Variants in CTNND1 observed in about 807,000 individuals in gnomAD.
CTNND1 encodes the protein catenin delta-1.
A neutral mutation model predicts 112.1 loss-of-function variants in CTNND1; 16 were observed. The ratio of observed to expected loss-of-function variants is 0.14; its 90% CI spans 0.10 to 0.22. The LOEUF (loss-of-function observed/expected upper bound fraction) is 0.22. CTNND1 is among the 10% of genes least tolerant of loss of function. CTNND1 has a pLI of 1.00. For synonymous variants in CTNND1, 420 were observed against 446.5 expected, an observed-to-expected ratio of 0.94 and a Z score of 0.75; for missense variants, 1,008 against 1,257.0, an observed-to-expected ratio of 0.80 and a Z score of 3.00.
chr11:57,772,112 T>G (rs993555929), intron 1 of CTNND1, among the ~76,000 whole-genome samples: 2 of 150,650 alleles, frequency 1.3e-5, no homozygotes, highest in East Asian at 3.9e-4. Context: ...TTTTTTTTTT[T>G]GTAGAGACAG....
intron 9 of CTNND1, 58 bp downstream of exon 9, chr11:57,804,838 T>G: frequency 8.0e-7 from 1 of 1,249,782 alleles, no homozygotes; most frequent in Non-Finnish European, 1.2e-6. Flanking sequence ...AACTATGAAG[T>G]ATCTGTAGGT....
At chr11:57,785,643 G>A (rs1277542430) in intron 1 of CTNND1, among the ~76,000 whole-genome samples, 1 of 151,838 alleles carries the variant, frequency 6.6e-6, no homozygotes, top group Non-Finnish European at 1.5e-5. Flanking sequence ...TCCGCCTCCC[G>A]GGTTCAAGTG....
chr11:57,761,988 C>G lies in CTNND1; in HGVS notation c.-345C>G. 5.1e-6 allele frequency: 5 copies of G among 985,428 alleles called. No homozygotes were observed. The highest frequency in any genetic ancestry group is 6.0e-6 in the Non-Finnish European group (5 of 829,938). 61.0% of individuals were successfully genotyped at this position (985,428 alleles called of 1,614,324 possible). Reference sequence around the variant, plus strand: ...CTGCTGGATTTGTCTTTCTCAGCACCTTGGCGAAGCCTTGGGTTTCTTTCT... The same window carrying G: ...CTGCTGGATTTGTCTTTCTCAGCACGTTGGCGAAGCCTTGGGTTTCTTTCT... On this transcript the variant is annotated 5_prime_UTR_variant, in exon 1 of 21. Coordinates refer to ENST00000399050, the MANE Select transcript of CTNND1 (RefSeq NM_001085458.2).
At chr11:57,816,167 A>T (rs1208093397) in intron 20 of CTNND1, 130 bp from the exon 21 acceptor site, 1 of 1,260,760 alleles carries the variant, frequency 7.9e-7, no homozygotes, top group Non-Finnish European at 1.2e-6. Flanking sequence ...CGAGTCTGGG[A>T]CATGCAGCTG....
At chr11:57,782,403 G>T (rs2059672089) in intron 1 of CTNND1, among the ~76,000 whole-genome samples, 1 of 152,162 alleles carries the variant, frequency 6.6e-6, no homozygotes, top group East Asian at 1.9e-4. Flanking sequence ...ATTTAACAGT[G>T]TTTAATTGAA....
chr11:57,805,075 T>C (rs2062478704), intron 9 of CTNND1, among the ~76,000 whole-genome samples: 1 of 150,806 alleles, frequency 6.6e-6, no homozygotes, highest in African/African-American at 2.4e-5. Flanking sequence ...ATTTTTGTAT[T>C]TTTAGTAGAG....
chr11:57,814,773 C>G (rs753587713), intron 18 of CTNND1, among the ~76,000 whole-genome samples: 1 of 152,076 alleles, frequency 6.6e-6, no homozygotes, highest in Non-Finnish European at 1.5e-5. Flanking sequence ...ATGTCCTTCC[C>G]TTTTGTCTTT....
At chr11:57,768,584 G>A (rs1480804633) in intron 1 of CTNND1, among the ~76,000 whole-genome samples, 13 of 151,442 alleles carry the variant, frequency 8.6e-5, no homozygotes, top group Admixed American at 2.6e-4. Flanking sequence ...TAGTAGAGAC[G>A]GGGTTTCACT....
intron 1 of CTNND1, among the ~76,000 whole-genome samples, chr11:57,787,494 A>T (rs2060257379): frequency 6.6e-6 from 1 of 152,230 alleles, no homozygotes; most frequent in Non-Finnish European, 1.5e-5. Context: ...ACATTGTCTC[A>T]CCTAATCCTC....
intron 1 of CTNND1, chr11:57,764,123 A>C (rs1950504254): frequency 6.6e-6 from 1 of 152,156 alleles, no homozygotes; most frequent in Non-Finnish European, 1.5e-5. Context: ...GGGGTAAAAA[A>C]TGATGATAGG....
intron 1 of CTNND1, among the ~76,000 whole-genome samples, chr11:57,783,465 C>G (rs2136375214): frequency 6.6e-6 from 1 of 152,214 alleles, no homozygotes; most frequent in Non-Finnish European, 1.5e-5. Flanking sequence ...CGAGACCATC[C>G]TGGCTAACAC....
intron 1 of CTNND1, among the ~76,000 whole-genome samples, chr11:57,787,423 T>C (rs1009617235): frequency 3.9e-5 from 6 of 152,246 alleles, no homozygotes; most frequent in African/African-American, 1.2e-4. Flanking sequence ...TGAAGTAATG[T>C]AATTGGAAGT....
At chr11:57,794,823 C>T (rs1286880571) in intron 4 of CTNND1, among the ~76,000 whole-genome samples, 1 of 141,210 alleles carries the variant, frequency 7.1e-6, no homozygotes. Context: ...AGACTGGGCA[C>T]GGTGTCTCAT....
chr11:57,813,818 T>G (rs993282509), intron 17 of CTNND1: 2 of 152,298 alleles, frequency 1.3e-5, no homozygotes, highest in African/African-American at 2.4e-5. Context: ...AGGATGTTAT[T>G]AAAGATTATT....
rs765794488 is a variant in CTNND1 at position 57,791,500 on chromosome 11, T to G, written c.22T>G (p.Ser8Ala). The change falls in exon 3 of 21, where the codon TCG becomes GCG. Residue 8 changes from serine (S) to alanine (A), a missense_variant. Physicochemically the swap from Ser to Ala is moderately conservative, Grantham distance 99. Coordinates refer to ENST00000399050, the MANE Select transcript of CTNND1 (RefSeq NM_001085458.2). ...CTTCATGGACGACTCAGAGGTGGAG[T>G]CGACCGCCAGCATCTTGGCCTCTGT... MDDSEVE[S>A]TASILASVKE... The G allele has an allele frequency of 1.5e-5, 24 of 1,557,554 alleles. No homozygotes were observed. The highest frequency in any genetic ancestry group is 2.0e-5 in the Non-Finnish European group (23 of 1,151,078).
rs1210193022 is a variant in CTNND1 at position 57,789,156 on chromosome 11, G to T, written c.-95+1G>T. ...ATCAGTTGCGACCTTCTCTTAACAG[G>T]TGTGTATGGAAATATGTTTATTAAG... On this transcript the variant is annotated splice_donor_variant, in intron 2 of 20. Coordinates refer to ENST00000399050, the MANE Select transcript of CTNND1 (RefSeq NM_001085458.2). LOFTEE classifies it low-confidence loss of function (5UTR_SPLICE). 1.3e-6 allele frequency: 2 copies of T among 1,490,810 alleles called. No homozygotes were observed. Among genetic ancestry groups the T allele is most frequent in the African/African-American group, 2.8e-5 (2 of 71,666 alleles). The allele number at this position is 1,490,810 out of a possible 1,614,324, so 92.3% of individuals were successfully genotyped here.
In CTNND1 at chr11:57,796,113, G is replaced by A. The variant is rs576652295; in HGVS notation, c.421-344G>A. On this transcript the variant is annotated intron_variant, in intron 5 of 20. Coordinates refer to ENST00000399050, the MANE Select transcript of CTNND1 (RefSeq NM_001085458.2). Reference sequence around the variant, plus strand: ...AGAATTTAATTGTTCATGGCTGGGCGCGGTGGGTCACGCTTGTAATCCCAG... The same window carrying A: ...AGAATTTAATTGTTCATGGCTGGGCACGGTGGGTCACGCTTGTAATCCCAG... Among the ~76,000 whole-genome samples, 3 of 152,212 alleles carry A rather than the reference G, an allele frequency of 2.0e-5. No individual in the cohort carries two copies. In the South Asian group the frequency reaches 6.2e-4, roughly 32 times the overall value.
At chr11:57,800,272 T>G in intron 6 of CTNND1, among the ~76,000 whole-genome samples, 1 of 151,830 alleles carries the variant, frequency 6.6e-6, no homozygotes, top group South Asian at 2.1e-4. Context: ...CTTGACCTTT[T>G]TTTTTTTTTC....
intron 5 of CTNND1, among the ~76,000 whole-genome samples, chr11:57,796,215 T>G (rs1369635436): frequency 6.6e-6 from 1 of 151,870 alleles, no homozygotes; most frequent in Non-Finnish European, 1.5e-5. Flanking sequence ...TGAAACCCCG[T>G]CTCTACTAAA....
Sources: allele counts gnomAD v4.1 joint callset (sites outside exome capture counted in the v4.1 genomes callset), GRCh38; gene constraint gnomAD v4.1.1; transcripts MANE v1.5; gene names NCBI Gene and HGNC (gene_info 2026-07-23, HGNC 2026-07-21).